RNF182: variants seen among roughly 807,000 people sequenced by gnomAD.
RNF182 encodes the protein ring finger protein 182, also known as E3 ubiquitin-protein ligase RNF182.
RNF182 carries 15 observed loss-of-function variants against 14.4 expected under a neutral mutation model. The observed-to-expected ratio is 1.04, with a 90% CI of 0.70 to 1.60. The LOEUF (loss-of-function observed/expected upper bound fraction) is 1.60, where lower values mean the gene tolerates loss of function less well. Ranked by LOEUF, RNF182 falls within the 40% of genes most tolerant of loss-of-function variation. RNF182 has a pLI of 0.00. For missense variants in RNF182, 268 were observed against 294.8 expected, an observed-to-expected ratio of 0.91 and a Z score of 0.67; for synonymous variants, 128 against 122.9, an observed-to-expected ratio of 1.04 and a Z score of -0.27.
At chr6:13,966,029 G>C (rs1199142270) in intron 1 of RNF182, among the ~76,000 whole-genome samples, 1 of 152,096 alleles carries the variant, frequency 6.6e-6, no homozygotes, top group Non-Finnish European at 1.5e-5. Flanking sequence ...ACGGAGCTCA[G>C]ATAAAACAAA....
chr6:13,936,700 G>T (rs930637356), intron 1 of RNF182, among the ~76,000 whole-genome samples: 3 of 152,370 alleles, frequency 2.0e-5, no homozygotes, highest in Middle Eastern at 3.4e-3. Flanking sequence ...TGGGGCATAT[G>T]TGTGATGCCT....
At chr6:13,948,299 A>G (rs995126918) in intron 1 of RNF182, among the ~76,000 whole-genome samples, 6 of 152,202 alleles carry the variant, frequency 3.9e-5, no homozygotes, top group African/African-American at 1.2e-4. Flanking sequence ...TCAAAACAAG[A>G]CAATTGCTTG....
chr6:13,970,831 G>T (rs1044032960), intron 1 of RNF182, among the ~76,000 whole-genome samples: 1 of 152,136 alleles, frequency 6.6e-6, no homozygotes, highest in African/African-American at 2.4e-5. Flanking sequence ...CAAAATACGC[G>T]TTGGCAGAAA....
At chr6:13,948,635 T>C (rs372972577) in intron 1 of RNF182, among the ~76,000 whole-genome samples, 10 of 152,218 alleles carry the variant, frequency 6.6e-5, no homozygotes, top group African/African-American at 2.4e-4. Context: ...GAAAGACTTA[T>C]TAAGTCTTTA....
chr6:13,931,377 A>G (rs1328314915), intron 1 of RNF182, among the ~76,000 whole-genome samples: 1 of 152,200 alleles, frequency 6.6e-6, no homozygotes, highest in African/African-American at 2.4e-5. Flanking sequence ...TCAGGGTCAG[A>G]GCAACATGCT....
At chr6:13,969,375 AG>A (rs1448596324) in intron 1 of RNF182, among the ~76,000 whole-genome samples, 2 of 152,094 alleles carry the variant, frequency 1.3e-5, no homozygotes, top group Non-Finnish European at 2.9e-5. Flanking sequence ...GTAGGGGAGT[AG>A]TGGAGTATGT....
chr6:13,967,417 G>T (rs988653505), intron 1 of RNF182, among the ~76,000 whole-genome samples: 1 of 152,298 alleles, frequency 6.6e-6, no homozygotes, highest in South Asian at 2.1e-4. Flanking sequence ...TATAGTTATA[G>T]TGAGACACTT....
intron 1 of RNF182, among the ~76,000 whole-genome samples, chr6:13,970,119 A>G (rs564127332): frequency 2.0e-5 from 3 of 152,224 alleles, no homozygotes; most frequent in Non-Finnish European, 4.4e-5. Flanking sequence ...TAGGGTATTC[A>G]TCACCTTAAC....
intron 1 of RNF182, among the ~76,000 whole-genome samples, chr6:13,945,330 A>G (rs1189285481): frequency 6.6e-6 from 1 of 152,218 alleles, no homozygotes; most frequent in African/African-American, 2.4e-5. Flanking sequence ...CACAAAATGT[A>G]TGTATCAAAT....
At chr6:13,974,142 T>C (rs1392420937) in intron 1 of RNF182, 68 bp from the exon 2 acceptor site, 1 of 152,116 alleles carries the variant, frequency 6.6e-6, no homozygotes, top group Admixed American at 6.6e-5. Flanking sequence ...TTTTTTTTTT[T>C]AACTGTAGCA....
At chr6:13,967,961 G>A (rs1367950280) in intron 1 of RNF182, among the ~76,000 whole-genome samples, 1 of 152,134 alleles carries the variant, frequency 6.6e-6, no homozygotes, top group East Asian at 1.9e-4. Flanking sequence ...ATGGGATAGA[G>A]TGAAAGCTGT....
intron 1 of RNF182, among the ~76,000 whole-genome samples, chr6:13,936,608 A>G (rs778614174): frequency 4.6e-5 from 7 of 152,248 alleles, no homozygotes; most frequent in Non-Finnish European, 7.3e-5. Flanking sequence ...AGATGAACAA[A>G]TCAGGTATAG....
chr6:13,957,121 C>T lies in RNF182; in HGVS notation c.-366-17089C>T, dbSNP rs190353371. On this transcript the variant is annotated intron_variant, in intron 1 of 2. Coordinates refer to ENST00000488300, the MANE Select transcript of RNF182 (RefSeq NM_152737.4). ...TAGAGTATTTAGAATGTCTGTCACA[C>T]GGCAAAACTACTTAATATACAATAA... Among the ~76,000 whole-genome samples, 29 of 152,294 alleles carry T rather than the reference C, an allele frequency of 1.9e-4. No individual in the cohort carries two copies. In the East Asian group the frequency reaches 3.7e-3, roughly 19 times the overall value.
chr6:13,975,002 A>ACATGT (rs1245652629), intron 2 of RNF182, among the ~76,000 whole-genome samples: 41 of 152,162 alleles, frequency 2.7e-4, no homozygotes, highest in Non-Finnish European at 5.4e-4. Flanking sequence ...AGAACAAATG[A>ACATGT]CATGTTCCAT....
chr6:13,943,148 T>C (rs375830874), intron 1 of RNF182, among the ~76,000 whole-genome samples: 1 of 152,220 alleles, frequency 6.6e-6, no homozygotes, highest in Non-Finnish European at 1.5e-5. Flanking sequence ...TTCTAAATTA[T>C]AAAGTACTGT....
At chr6:13,943,542 T>TA (rs1490840262) in intron 1 of RNF182, among the ~76,000 whole-genome samples, 7 of 152,198 alleles carry the variant, frequency 4.6e-5, no homozygotes, top group Non-Finnish European at 1.0e-4. Context: ...CATTGGTACT[T>TA]ATCTTACCGC....
chr6:13,942,807 T>G (rs1187709237), intron 1 of RNF182, among the ~76,000 whole-genome samples: 1 of 152,242 alleles, frequency 6.6e-6, no homozygotes, highest in Non-Finnish European at 1.5e-5. Flanking sequence ...TTTTTCCTCT[T>G]TAGTTTGGAA....
intron 1 of RNF182, among the ~76,000 whole-genome samples, chr6:13,937,077 A>G (rs1014332406): frequency 1.1e-4 from 17 of 152,326 alleles, no homozygotes; most frequent in African/African-American, 3.6e-4. Flanking sequence ...ATGGTGTTGC[A>G]TATAGACTTT....
At chr6:13,938,349 A>G (rs1383535834) in intron 1 of RNF182, among the ~76,000 whole-genome samples, 1 of 151,286 alleles carries the variant, frequency 6.6e-6, no homozygotes, top group Non-Finnish European at 1.5e-5. Flanking sequence ...AGTTCTTTAT[A>G]TTTTCTAGAT....
Sources: allele counts gnomAD v4.1 joint callset (sites outside exome capture counted in the v4.1 genomes callset), GRCh38; gene constraint gnomAD v4.1.1; transcripts MANE v1.5; gene names NCBI Gene and HGNC (gene_info 2026-07-23, HGNC 2026-07-21).